The following TPPP2 variants were observed in gnomAD, a reference collection of about 807,000 sequenced individuals.
The protein encoded by TPPP2 is tubulin polymerization-promoting protein family member 2.
TPPP2 carries 8 observed loss-of-function variants against 13.0 expected under a neutral mutation model. That is an observed-to-expected ratio of 0.62 (90% confidence interval 0.36 to 1.11). The LOEUF (loss-of-function observed/expected upper bound fraction) is 1.11, where lower values mean the gene tolerates loss of function less well. Ranked by LOEUF, TPPP2 falls within the 50% of genes most tolerant of loss-of-function variation. TPPP2 has a pLI of 0.02. For synonymous variants in TPPP2, 81 were observed against 81.8 expected, an observed-to-expected ratio of 0.99 and a Z score of 0.05; for missense variants, 213 against 216.9, an observed-to-expected ratio of 0.98 and a Z score of 0.11.
chr14:21,034,662 A>C, downstream of TPPP2: 1 of 204,368 alleles, frequency 4.9e-6, no homozygotes. Flanking sequence ...TGACCTGACA[A>C]TTCTCTGGCA....
intron 2 of TPPP2, 25 bp downstream of exon 2, chr14:21,030,779 G>A: frequency 6.2e-7 from 1 of 1,610,436 alleles, no homozygotes; most frequent in Non-Finnish European, 8.5e-7. Context: ...ATATGGAGGT[G>A]GGGGTGAGAA....
At chr14:21,032,933 A>T, downstream of TPPP2, 2 of 455,974 alleles carry the variant, frequency 4.4e-6, no homozygotes, top group South Asian at 3.1e-5. Context: ...GTTACATCTT[A>T]CATACTCAGA....
chr14:21,024,497 G>C, intron 1 of TPPP2: 1 of 984,408 alleles, frequency 1.0e-6, no homozygotes, highest in Non-Finnish European at 1.2e-6. Flanking sequence ...CAAAATTTTT[G>C]ACAGCTCTCC....
intron 2 of TPPP2, 35 bp from the exon 3 acceptor site, chr14:21,030,977 C>A: frequency 6.3e-7 from 1 of 1,579,498 alleles, no homozygotes; most frequent in Non-Finnish European, 8.6e-7. Flanking sequence ...TGCATTCATG[C>A]TCCAAAGTTT....
At chr14:21,034,646 G>A (rs376301583), downstream of TPPP2, 38 of 221,034 alleles carry the variant, frequency 1.7e-4, no homozygotes, top group African/African-American at 7.8e-4. Context: ...GAAAGAAGGA[G>A]CAGGCTGACC....
upstream of TPPP2, chr14:21,029,371 C>G (rs1883906396): frequency 6.6e-6 from 1 of 152,206 alleles, no homozygotes. Context: ...GAGGCTGAGG[C>G]AGGTGGATCA....
chr14:21,032,102 A>C lies in TPPP2; in HGVS notation c.*25A>C. On this transcript the variant is annotated 3_prime_UTR_variant, in exon 4 of 4. Transcript: ENST00000321760. ...GAGAGGAGCTTCATCTCAGCCTGCTAGCCCCCTGACCCTGCATGTTTAACA... is the reference window on the plus strand; with the variant it reads ...GAGAGGAGCTTCATCTCAGCCTGCTCGCCCCCTGACCCTGCATGTTTAACA... 1 of 1,606,718 alleles carries C rather than the reference A, an allele frequency of 6.2e-7. No individual in the cohort carries two copies.
intron 3 of TPPP2, 42 bp from the exon 4 acceptor site, chr14:21,031,850 G>T (rs373591996): frequency 1.3e-6 from 2 of 1,594,164 alleles, no homozygotes; most frequent in African/African-American, 2.7e-5. Flanking sequence ...ATATGACAGC[G>T]TAAGGAAAGG....
chr14:21,024,764 C>T (rs777956486), intron 1 of TPPP2: 6 of 985,458 alleles, frequency 6.1e-6, no homozygotes, highest in Admixed American at 1.2e-4. Flanking sequence ...CTACGAGTCC[C>T]TACGCAGCCC....
Position 21,032,445 on chromosome 14 carries a change from A to C in TPPP2, c.*368A>C. On this transcript the variant is annotated 3_prime_UTR_variant, in exon 4 of 4. Transcript: ENST00000321760. The stretch of plus-strand genomic sequence containing the variant: ...TCCACCTCTCCACCCCCACCCCTCA[A>C]AAGGGTGTAGCAATTCCTCACGTGA... 1 of 411,858 alleles carries C rather than the reference A, an allele frequency of 2.4e-6. No individual in the cohort carries two copies. Among genetic ancestry groups the C allele is most frequent in the Non-Finnish European group, 4.8e-6 (1 of 207,364 alleles). 25.5% of individuals were successfully genotyped at this position (411,858 alleles called of 1,614,324 possible). A position where few individuals can be genotyped will look rare whatever the true frequency, so the allele number is the denominator to read the frequency against.
At chr14:21,025,286 A>C, upstream of TPPP2, 2 of 940,260 alleles carry the variant, frequency 2.1e-6, no homozygotes, top group Non-Finnish European at 2.5e-6. This position sits in a 1 kb window ranked among gnomAD's most constrained non-coding sequence, Gnocchi z 5.1. Context: ...CGGCTCACCA[A>C]AACATTCCAC....
upstream of TPPP2, chr14:21,030,122 C>A (rs919887837): frequency 1.3e-5 from 2 of 154,752 alleles, no homozygotes; most frequent in African/African-American, 4.8e-5. Flanking sequence ...AAAGCCCCCT[C>A]CTTTGAAGGC....
downstream of TPPP2, chr14:21,036,109 A>C: frequency 2.2e-6 from 1 of 445,414 alleles, no homozygotes; most frequent in Non-Finnish European, 4.5e-6. Context: ...CCTCAGTATG[A>C]GCCTGAGTCC....
downstream of TPPP2, chr14:21,036,050 T>C: frequency 2.6e-6 from 1 of 384,272 alleles, no homozygotes; most frequent in South Asian, 2.0e-5. Context: ...GAGGATCCAT[T>C]AAGATGTATA....
chr14:21,032,398 T>A lies in TPPP2; in HGVS notation c.*321T>A, dbSNP rs1251746691. The A allele has an allele frequency of 2.2e-6, 1 of 462,662 alleles. No individual in the cohort carries two copies. Among genetic ancestry groups the A allele is most frequent in the Non-Finnish European group, 4.3e-6 (1 of 234,820 alleles). 28.7% of individuals were successfully genotyped at this position (462,662 alleles called of 1,614,324 possible). Reference sequence around the variant, plus strand: ...ATGTGGAGGTAAAAGTATCTACTACTTGTGTTCACACATTACTGATATCCA... The same window carrying A: ...ATGTGGAGGTAAAAGTATCTACTACATGTGTTCACACATTACTGATATCCA... On this transcript the variant is annotated 3_prime_UTR_variant, in exon 4 of 4. Coordinates refer to ENST00000321760, the MANE Select transcript of TPPP2 (RefSeq NM_173846.5).
chr14:21,029,559 T>C (rs914386603), upstream of TPPP2, among the ~76,000 whole-genome samples: 2 of 152,078 alleles, frequency 1.3e-5, no homozygotes, highest in Admixed American at 1.3e-4. Flanking sequence ...ATCATGCCAC[T>C]GCATTTCAGC....
chr14:21,024,555 A>G, intron 1 of TPPP2: 1 of 985,470 alleles, frequency 1.0e-6, no homozygotes, highest in Non-Finnish European at 1.2e-6. Context: ...CACAATTTAA[A>G]AACAAACACA....
chr14:21,024,764 C>A (rs777956486), intron 1 of TPPP2: 47 of 985,458 alleles, frequency 4.8e-5, no homozygotes, highest in Non-Finnish European at 5.5e-5. Context: ...CTACGAGTCC[C>A]TACGCAGCCC....
At chr14:21,036,014 T>C (rs3762155), downstream of TPPP2, 115,707 of 376,896 alleles carry the variant, frequency 0.31, 19,788 homozygotes, top group East Asian at 0.42. Flanking sequence ...TTCATGAGGA[T>C]AGTATTTTTT....
Sources: gnomAD v4.1 joint callset for allele counts (sites outside exome capture counted in the v4.1 genomes callset) on GRCh38, gnomAD v4.1.1 for gene constraint, Gnocchi (gnomAD v3.1) non-coding constraint, MANE v1.5 for transcripts, NCBI Gene and HGNC (gene_info 2026-07-23, HGNC 2026-07-21) for gene names.